PALMD: variants seen among roughly 807,000 people sequenced by gnomAD.
PALMD encodes palmdelphin.
A neutral mutation model predicts 56.2 loss-of-function variants in PALMD; 42 were observed. The ratio of observed to expected loss-of-function variants is 0.75; its 90% confidence interval spans 0.58 to 0.97. PALMD has a LOEUF of 0.97. PALMD is among the 50% of genes least tolerant of loss of function. PALMD has a pLI of 0.00. For synonymous variants in PALMD, 242 were observed against 222.9 expected (o/e 1.09, Z -0.76); for missense variants, 660 against 643.8 (o/e 1.03, Z -0.27).
chr1:99,661,725 A>C (rs1418793604), intron 1 of PALMD, among the ~76,000 whole-genome samples: 4 of 152,206 alleles, frequency 2.6e-5, no homozygotes, highest in Non-Finnish European at 5.9e-5. Context: ...AACTTGGTGA[A>C]AGATACAACA....
intron 2 of PALMD, among the ~76,000 whole-genome samples, chr1:99,663,164 G>C (rs1434142643): frequency 1.3e-5 from 2 of 152,134 alleles, no homozygotes; most frequent in Non-Finnish European, 2.9e-5. Flanking sequence ...ACAAATTTAA[G>C]TTAAACTTGC....
At chr1:99,664,559 C>A (rs1652918932) in intron 2 of PALMD, among the ~76,000 whole-genome samples, 1 of 152,144 alleles carries the variant, frequency 6.6e-6, no homozygotes, top group Non-Finnish European at 1.5e-5. Flanking sequence ...GCACAGGGCA[C>A]AGAGAAGAAA....
At chr1:99,672,469 A>G (rs1653107837) in intron 3 of PALMD, among the ~76,000 whole-genome samples, 1 of 152,162 alleles carries the variant, frequency 6.6e-6, no homozygotes, top group Non-Finnish European at 1.5e-5. Context: ...ACAAATTTAT[A>G]CCTGGTTTAG....
intron 3 of PALMD, among the ~76,000 whole-genome samples, chr1:99,679,550 G>C (rs1653292106): frequency 6.6e-6 from 1 of 152,142 alleles, no homozygotes; most frequent in African/African-American, 2.4e-5. Context: ...CCCTAACGAA[G>C]ATTAGGACAG....
rs947298555 is a variant in PALMD, at chr1:99,655,950, GCA to G, written c.46-6353_46-6352del. Among the ~76,000 whole-genome samples the G allele has an allele frequency of 2.1e-3, 66 of 32,002 alleles. 1 individual carries two copies. The highest frequency in any genetic ancestry group is 0.021 in the Middle Eastern group (1 of 48). The allele number at this position is 32,002 out of a possible 152,430, so 21.0% of individuals were successfully genotyped here. A position where few individuals can be genotyped will look rare whatever the true frequency, so the allele number is the denominator to read the frequency against. ...AACACACACGCACACACACACACATGCACACACACACACACACGCATGCACTT... is the reference window on the plus strand; with the variant it reads ...AACACACACGCACACACACACACATGCACACACACACACACGCATGCACTT... On this transcript the variant is annotated intron_variant, in intron 1 of 7. Transcript: ENST00000263174.
intron 1 of PALMD, among the ~76,000 whole-genome samples, 174 bp from the exon 2 acceptor site, chr1:99,662,145 C>T (rs1327180363): frequency 6.6e-6 from 1 of 152,162 alleles, no homozygotes; most frequent in African/African-American, 2.4e-5. Flanking sequence ...AAGGAAAATG[C>T]TTCAAATGTC....
At chr1:99,673,716 C>T (rs115063593) in intron 3 of PALMD, among the ~76,000 whole-genome samples, 2,495 of 151,776 alleles carry the variant, frequency 0.016, 68 homozygotes, top group African/African-American at 0.057. Context: ...TCACTTTTAA[C>T]AAAAAAAAGC....
intron 1 of PALMD, among the ~76,000 whole-genome samples, chr1:99,650,111 C>T (rs960211257): frequency 6.6e-5 from 10 of 151,774 alleles, no homozygotes; most frequent in African/African-American, 2.4e-4. Flanking sequence ...AAGAGGGTGA[C>T]GTTTGAGCCT....
chr1:99,680,769 C>T (rs1434133765), intron 3 of PALMD, among the ~76,000 whole-genome samples: 1 of 152,056 alleles, frequency 6.6e-6, no homozygotes, highest in Non-Finnish European at 1.5e-5. Flanking sequence ...TACACCCACA[C>T]ATAAACACAC....
At chr1:99,646,708 A>G (rs1652452161) in intron 1 of PALMD, among the ~76,000 whole-genome samples, 1 of 152,252 alleles carries the variant, frequency 6.6e-6, no homozygotes, top group Non-Finnish European at 1.5e-5. Flanking sequence ...TTAGATAAAA[A>G]AACAGATCCC....
intron 4 of PALMD, 51 bp downstream of exon 4, chr1:99,686,841 C>G: frequency 7.4e-7 from 1 of 1,348,554 alleles, no homozygotes; most frequent in Non-Finnish European, 1.1e-6. Flanking sequence ...AATGAATCCA[C>G]AAATACTATA....
chr1:99,692,632 C>T (rs17120961), intron 7 of PALMD, among the ~76,000 whole-genome samples: 3,565 of 152,182 alleles, frequency 0.023, 129 homozygotes, highest in African/African-American at 0.08. Flanking sequence ...GCCTGATTTA[C>T]GGAATCTTAC....
chr1:99,683,059 AG>A lies in PALMD; in HGVS notation c.252-3616del, dbSNP rs1557673813. On this transcript the variant is annotated intron_variant, in intron 3 of 7. Transcript: ENST00000263174. ...AAGAAAGAAAGAAAGAAAGAAAGAG[AG>A]AGAGAGAGAGAGAGAGAGAGAGAGA... Among the ~76,000 whole-genome samples, 113 of 16,208 alleles carry A rather than the reference AG, an allele frequency of 7.0e-3. 17 individuals are homozygous for A. The highest frequency in any genetic ancestry group is 0.02 in the African/African-American group (36 of 1,780). 10.6% of individuals were successfully genotyped at this position (16,208 alleles called of 152,430 possible).
rs967859166 is a variant in PALMD at position 99,677,568 on chromosome 1, G to A, written c.252-9108G>A. On this transcript the variant is annotated intron_variant, in intron 3 of 7. Coordinates refer to ENST00000263174, the MANE Select transcript of PALMD (RefSeq NM_017734.5). Reference sequence around the variant, plus strand: ...CTACCTCATCTGCATTCCACTTCAGGAAGGGAAGATAAATGGAGGACAAGC... The same window carrying A: ...CTACCTCATCTGCATTCCACTTCAGAAAGGGAAGATAAATGGAGGACAAGC... 2.6e-5 allele frequency among the ~76,000 whole-genome samples: 4 copies of A among 152,246 alleles called. No homozygotes were observed. The South Asian group carries it at 8.3e-4, about 32-fold the overall frequency.
chr1:99,687,608 C>T (rs923531283), intron 6 of PALMD, among the ~76,000 whole-genome samples: 4 of 152,120 alleles, frequency 2.6e-5, no homozygotes, highest in African/African-American at 9.7e-5. Context: ...AAAACTGATG[C>T]TTCAAAGCTT....
At chr1:99,660,982 T>G (rs946974268) in intron 1 of PALMD, among the ~76,000 whole-genome samples, 1 of 152,234 alleles carries the variant, frequency 6.6e-6, no homozygotes, top group Admixed American at 6.5e-5. Flanking sequence ...ATATGTTGCT[T>G]TTCTTCAACA....
rs777535161 is a variant in PALMD at position 99,667,659 on chromosome 1, G to A, written c.144G>A (p.Glu48=). The change falls in exon 3 of 8, where the codon GAG becomes GAA. Residue 48 remains glutamate, a synonymous_variant. Coordinates refer to ENST00000263174, the MANE Select transcript of PALMD (RefSeq NM_017734.5). ...GACATCAGAAAAAGGCCTTGAGGGA[G>A]AAATGGCTTCTAGATGGAATCAGCA... is the stretch of plus-strand genomic sequence containing the variant. ...HQHLKKKALR[E]KWLLDGISSG... 5.6e-6 allele frequency: 9 copies of A among 1,613,162 alleles called. No individual in the cohort carries two copies. In the African/African-American group the frequency reaches 8.0e-5, roughly 14 times the overall value.
chr1:99,664,697 T>C (rs1439380630), intron 2 of PALMD, among the ~76,000 whole-genome samples: 1 of 152,220 alleles, frequency 6.6e-6, no homozygotes, highest in Non-Finnish European at 1.5e-5. Flanking sequence ...AAAATAATTC[T>C]ACAATGTCTT....
intron 2 of PALMD, among the ~76,000 whole-genome samples, chr1:99,662,757 A>G (rs969603357): frequency 3.3e-5 from 5 of 152,194 alleles, no homozygotes; most frequent in Non-Finnish European, 5.9e-5. Context: ...TTTGAAATCA[A>G]TGAAAGGCCA....
Sources: allele counts gnomAD v4.1 joint callset (sites outside exome capture counted in the v4.1 genomes callset), GRCh38; gene constraint gnomAD v4.1.1; transcripts MANE v1.5; gene names NCBI Gene and HGNC (gene_info 2026-07-23, HGNC 2026-07-21).